Variants in RNF17 observed in about 807,000 individuals in gnomAD.
The protein encoded by RNF17 is spermatogenesis associated 23.
Under a neutral mutation model 200.5 loss-of-function variants are expected in RNF17, and 31 were observed. The ratio of observed to expected loss-of-function variants is 0.15; its 90% CI spans 0.12 to 0.21. The LOEUF (loss-of-function observed/expected upper bound fraction) is 0.21, where lower values mean the gene tolerates loss of function less well. RNF17 is among the 10% of genes least tolerant of loss of function. The pLI, the probability that RNF17 is intolerant of heterozygous loss-of-function variation, is 1.00. For missense variants in RNF17, 1,628 were observed against 1,905.1 expected (o/e 0.85, Z 2.71); for synonymous variants, 606 against 637.8 (o/e 0.95, Z 0.75).
intron 3 of RNF17, among the ~76,000 whole-genome samples, chr13:24,776,151 C>A (rs886087558): frequency 7.9e-5 from 12 of 152,188 alleles, no homozygotes. Context: ...CCTTCTATTA[C>A]ATTCATTTTA....
intron 2 of RNF17, among the ~76,000 whole-genome samples, chr13:24,767,762 A>C (rs964279629): frequency 2.6e-5 from 4 of 151,346 alleles, no homozygotes; most frequent in African/African-American, 7.3e-5. Flanking sequence ...AAAAAAAAAA[A>C]CCCTAAAATC....
intron 18 of RNF17, among the ~76,000 whole-genome samples, chr13:24,838,252 G>C (rs1392206757): frequency 1.3e-5 from 2 of 152,118 alleles, no homozygotes; most frequent in Non-Finnish European, 1.5e-5. Flanking sequence ...AATTCTGCCA[G>C]ACAATCGAAG....
At chr13:24,878,054 C>T (rs989349686) in intron 34 of RNF17, among the ~76,000 whole-genome samples, 1 of 152,196 alleles carries the variant, frequency 6.6e-6, no homozygotes, top group East Asian at 1.9e-4. Flanking sequence ...AGCCACAGCC[C>T]CTTAGATAGG....
chr13:24,853,271 G>A (rs968346004), intron 24 of RNF17, among the ~76,000 whole-genome samples: 5 of 152,066 alleles, frequency 3.3e-5, no homozygotes, highest in South Asian at 2.1e-4. Flanking sequence ...CTATAATTCC[G>A]CTAAAACACA....
At chr13:24,799,295 G>A (rs562178450) in intron 11 of RNF17, 100 bp from the exon 12 acceptor site, 24 of 866,980 alleles carry the variant, frequency 2.8e-5, no homozygotes, top group Non-Finnish European at 4.1e-5. Context: ...TTAAATAAAC[G>A]AATTAAGACT....
At chr13:24,811,668 T>G (rs1886640402) in intron 15 of RNF17, among the ~76,000 whole-genome samples, 1 of 152,212 alleles carries the variant, frequency 6.6e-6, no homozygotes, top group Admixed American at 6.5e-5. Flanking sequence ...CGTCCCGCTT[T>G]GTTCTGTTGC....
Position 24,800,402 on chromosome 13 carries a change from T to C in RNF17, c.1626T>C (p.Ala542=). ...VDTHVRPEHS[A]KQHIALNDLC... is the part of the protein sequence containing the mutation. ...CCCATGTGAGACCAGAACACTCTGC[T>C]AAGCAACATATTGCACTAAATGATT... The change falls in exon 13 of 36, where the codon GCT becomes GCC. Residue 542 remains alanine (A), a synonymous_variant. Transcript: ENST00000255324. 6.2e-7 allele frequency: 1 copy of C among 1,611,482 alleles called. No homozygotes were observed. The highest frequency in any genetic ancestry group is 1.1e-5 in the South Asian group (1 of 90,758).
intron 2 of RNF17, among the ~76,000 whole-genome samples, chr13:24,772,900 C>T (rs986803353): frequency 2.0e-5 from 3 of 152,038 alleles, no homozygotes; most frequent in Non-Finnish European, 4.4e-5. Context: ...CGTGAGCCAC[C>T]GCCCCTGGTC....
chr13:24,772,633 A>G (rs966228853), intron 2 of RNF17, among the ~76,000 whole-genome samples: 1 of 150,982 alleles, frequency 6.6e-6, no homozygotes, highest in African/African-American at 2.4e-5. Context: ...CTTTTGAGAC[A>G]AGAGTTTCGC....
chr13:24,778,726 A>AT (rs1881932060), intron 4 of RNF17, among the ~76,000 whole-genome samples: 1 of 151,976 alleles, frequency 6.6e-6, no homozygotes, highest in African/African-American at 2.4e-5. Context: ...TTTAAATGTG[A>AT]TTTTTCACTT....
At chr13:24,882,851 T>C (rs1410826367), downstream of RNF17, 10 of 338,688 alleles carry the variant, frequency 3.0e-5, no homozygotes, top group East Asian at 7.5e-4. Context: ...GACATCTAGG[T>C]GATGTACTTC....
At chr13:24,846,920 A>C (rs989161658) in intron 22 of RNF17, among the ~76,000 whole-genome samples, 2 of 152,226 alleles carry the variant, frequency 1.3e-5, no homozygotes, top group African/African-American at 4.8e-5. Context: ...CTTTTCAGAC[A>C]TGGATTATAA....
At chr13:24,888,017 C>A in the RNF17 span, among the ~76,000 whole-genome samples, 1 of 152,180 alleles carries the variant, frequency 6.6e-6, no homozygotes, top group African/African-American at 2.4e-5. Context: ...TATGTCTTTA[C>A]GTAGGTGGTG....
the RNF17 span, among the ~76,000 whole-genome samples, chr13:24,752,796 G>A: frequency 6.6e-6 from 1 of 152,224 alleles, no homozygotes; most frequent in African/African-American, 2.4e-5. Flanking sequence ...GGGGAGCCCT[G>A]CTCCAGATGA....
chr13:24,811,044 A>G lies in RNF17; in HGVS notation c.2091+6615A>G, dbSNP rs1408276017. ...TCTGAGGGGCTTCCCTTTGAGGGTAACCCGACCTTTCTCTCTGGCTGCTCT... is the reference window on the plus strand; with the variant it reads ...TCTGAGGGGCTTCCCTTTGAGGGTAGCCCGACCTTTCTCTCTGGCTGCTCT... On this transcript the variant is annotated intron_variant, in intron 15 of 35. Transcript: ENST00000255324. 1.5e-3 allele frequency among the ~76,000 whole-genome samples: 229 copies of G among 152,096 alleles called. 3 individuals are homozygous for G. The highest frequency in any genetic ancestry group is 0.015 in the Admixed American group (229 of 15,260).
intron 10 of RNF17, among the ~76,000 whole-genome samples, chr13:24,795,748 C>T (rs1593271697): frequency 6.6e-6 from 1 of 152,010 alleles, no homozygotes; most frequent in East Asian, 1.9e-4. Context: ...TGTAGGTTAT[C>T]CTAGAAACCT....
intron 4 of RNF17, among the ~76,000 whole-genome samples, chr13:24,779,429 A>G (rs1276209462): frequency 6.6e-6 from 1 of 152,164 alleles, no homozygotes; most frequent in Non-Finnish European, 1.5e-5. Context: ...TTAAAAAAAT[A>G]TCTTTATGAA....
chr13:24,844,692 T>G lies in RNF17; in HGVS notation c.2872T>G (p.Trp958Gly), dbSNP rs747517732. 2 of 1,610,406 alleles carry G rather than the reference T, an allele frequency of 1.2e-6. No homozygotes were observed. The highest frequency in any genetic ancestry group is 1.7e-6 in the Non-Finnish European group (2 of 1,177,082). ...GATAGCTGCTTATGAAAACTCAAAA[T>G]GGGAACCTGTTAAATGGGAAAATGA... Reference protein sequence around the residue: ...KMIAAYENSKWEPVKWENDMH... With the variant: ...KMIAAYENSKGEPVKWENDMH... The change falls in exon 21 of 36, where the codon TGG becomes GGG. Residue 958 changes from tryptophan (W) to glycine (G), a missense_variant. Around this residue, in one of 5 missense-constraint regions of RNF17, gnomAD observed 227 missense variants for 319.8 expected, o/e 0.71. Transcript: ENST00000255324.
chr13:24,844,647 T>C lies in RNF17; in HGVS notation c.2832-5T>C, dbSNP rs754580718. 1 of 1,575,306 alleles carries C rather than the reference T, an allele frequency of 6.3e-7. No homozygotes were observed. The highest frequency in any genetic ancestry group is 8.7e-7 in the Non-Finnish European group (1 of 1,150,848). The stretch of plus-strand genomic sequence containing the variant: ...TGGAAAGTTAAATATTTTTTATCTC[T>C]ATAGTTTAGAAGAAAAGATGATAGC... On this transcript the variant is annotated splice_region_variant and splice_polypyrimidine_tract_variant and intron_variant, in intron 20 of 35. Coordinates refer to ENST00000255324, the MANE Select transcript of RNF17 (RefSeq NM_031277.3).
Sources: allele counts gnomAD v4.1 joint callset (sites outside exome capture counted in the v4.1 genomes callset), GRCh38; gene constraint gnomAD v4.1.1; regional missense constraint gnomAD v4.1.1; transcripts MANE v1.5; gene names NCBI Gene and HGNC (gene_info 2026-07-23, HGNC 2026-07-21).